The following EFNA5 variants were observed in gnomAD, a reference collection of about 807,000 sequenced individuals.
The protein encoded by EFNA5 is ephrin-A5.
In EFNA5, 5 loss-of-function variants were observed where a neutral mutation model predicts 22.9. That is an observed-to-expected ratio of 0.22 (90% CI 0.11 to 0.46). The LOEUF (loss-of-function observed/expected upper bound fraction) is 0.46, where lower values mean the gene tolerates loss of function less well. Among genes scored for constraint, EFNA5 ranks in the 20% least tolerant of loss-of-function variants. EFNA5 has a pLI of 0.99. For missense variants in EFNA5, 237 were observed against 293.3 expected (o/e 0.81, Z 1.40); for synonymous variants, 113 against 112.2 (o/e 1.01, Z -0.04).
chr5:107,495,831 G>A (rs932141077), intron 1 of EFNA5, among the ~76,000 whole-genome samples: 2 of 152,102 alleles, frequency 1.3e-5, no homozygotes, highest in Admixed American at 6.6e-5. Flanking sequence ...GGTGTTGACC[G>A]GGTTGCTGGG....
chr5:107,507,840 A>T (rs1747282523), intron 1 of EFNA5, among the ~76,000 whole-genome samples: 3 of 152,212 alleles, frequency 2.0e-5, no homozygotes, highest in African/African-American at 4.8e-5. Context: ...GTAAAAATGT[A>T]GCTATTAGAA....
At chr5:107,669,166 A>T (rs948497331) in intron 1 of EFNA5, among the ~76,000 whole-genome samples, 4 of 151,352 alleles carry the variant, frequency 2.6e-5, no homozygotes, top group Non-Finnish European at 4.4e-5. Flanking sequence ...TGCTGAGGGG[A>T]GGCTGGAGGC....
intron 1 of EFNA5, among the ~76,000 whole-genome samples, chr5:107,498,955 AGTATGTATGTAT>A (rs60164431): frequency 1.3e-5 from 2 of 148,458 alleles, no homozygotes; most frequent in East Asian, 2.0e-4. Context: ...TATGTATATA[AGTATGTATGTAT>A]GTATGTATGT....
At chr5:107,532,166 G>C (rs1043248310) in intron 1 of EFNA5, among the ~76,000 whole-genome samples, 2 of 152,204 alleles carry the variant, frequency 1.3e-5, no homozygotes, top group Admixed American at 6.5e-5. Context: ...ATGGGCAGGA[G>C]GAATTATTTC....
intron 2 of EFNA5, among the ~76,000 whole-genome samples, 175 bp from the exon 3 acceptor site, chr5:107,387,946 T>C (rs1234047529): frequency 6.6e-6 from 1 of 152,284 alleles, no homozygotes; most frequent in East Asian, 1.9e-4. Context: ...CTCACTGCTA[T>C]AGAAAGGCTA....
chr5:107,607,121 C>T (rs1308040780), intron 1 of EFNA5, among the ~76,000 whole-genome samples: 2 of 152,114 alleles, frequency 1.3e-5, no homozygotes, highest in African/African-American at 2.4e-5. Flanking sequence ...GTTTAAAATG[C>T]TAAAAATCTG....
chr5:107,598,464 A>T (rs1749519880), intron 1 of EFNA5, among the ~76,000 whole-genome samples: 1 of 149,332 alleles, frequency 6.7e-6, no homozygotes, highest in African/African-American at 2.6e-5. Context: ...TAGAAAAATC[A>T]AGGTTCATAG....
At chr5:107,381,507 T>C (rs1264831141) in intron 4 of EFNA5, 131 bp from the exon 5 acceptor site, 21 of 1,036,066 alleles carry the variant, frequency 2.0e-5, no homozygotes, top group Non-Finnish European at 2.8e-5. Context: ...ACCATTGACT[T>C]TCATGTCTGC....
At chr5:107,553,124 G>A (rs577761221) in intron 1 of EFNA5, among the ~76,000 whole-genome samples, 23 of 152,166 alleles carry the variant, frequency 1.5e-4, no homozygotes, top group Non-Finnish European at 2.6e-4. Context: ...AGAGTGACAG[G>A]GAGAGAAAAA....
chr5:107,476,058 T>TATATATATATATATA lies in EFNA5; in HGVS notation c.126-48550_126-48549insTATATATATATATAT. ...GAGAGTTTTTAAACTATATATATAT[T>TATATATATATATATA]TTTTTTTTTTGAGACAGAGTCTTGC... is the stretch of plus-strand genomic sequence containing the variant. On this transcript the variant is annotated intron_variant, in intron 1 of 4. Coordinates refer to ENST00000333274, the MANE Select transcript of EFNA5 (RefSeq NM_001962.3). Among the ~76,000 whole-genome samples, 8 of 41,114 alleles carry TATATATATATATATA rather than the reference T, an allele frequency of 1.9e-4. 2 individuals carry two copies. Among genetic ancestry groups the TATATATATATATATA allele is most frequent in the African/African-American group, 1.5e-3 (8 of 5,202 alleles). 27.0% of individuals were successfully genotyped at this position (41,114 alleles called of 152,430 possible).
chr5:107,502,087 G>A (rs1747149628), intron 1 of EFNA5, among the ~76,000 whole-genome samples: 1 of 152,172 alleles, frequency 6.6e-6, no homozygotes, highest in South Asian at 2.1e-4. Context: ...GCGGCTGTTA[G>A]CAATGAGGAC....
At chr5:107,618,987 T>A (rs1307095518) in intron 1 of EFNA5, among the ~76,000 whole-genome samples, 1 of 151,870 alleles carries the variant, frequency 6.6e-6, no homozygotes, top group Admixed American at 6.6e-5. Flanking sequence ...AGTGGTGCGA[T>A]CTCAGCTCAC....
chr5:107,502,007 A>AC (rs1264943912), intron 1 of EFNA5, among the ~76,000 whole-genome samples: 5 of 152,164 alleles, frequency 3.3e-5, no homozygotes, highest in Admixed American at 1.3e-4. Context: ...AGTGAGAAAT[A>AC]CCCCATCTGA....
At chr5:107,459,866 C>T (rs1475789651) in intron 1 of EFNA5, among the ~76,000 whole-genome samples, 1 of 152,154 alleles carries the variant, frequency 6.6e-6, no homozygotes, top group African/African-American at 2.4e-5. Flanking sequence ...CTTTAATAGC[C>T]TTAACTTTGT....
chr5:107,533,464 T>C (rs994366049), intron 1 of EFNA5, among the ~76,000 whole-genome samples: 3 of 152,176 alleles, frequency 2.0e-5, no homozygotes, highest in African/African-American at 7.2e-5. Flanking sequence ...ATAATACTTT[T>C]CAAACCTTAG....
intron 1 of EFNA5, among the ~76,000 whole-genome samples, chr5:107,440,907 A>T (rs141629872): frequency 6.6e-6 from 1 of 152,198 alleles, no homozygotes; most frequent in African/African-American, 2.4e-5. Flanking sequence ...ACAGAATAGG[A>T]TAATTTTACT....
intron 1 of EFNA5, among the ~76,000 whole-genome samples, chr5:107,470,985 ATC>A (rs1750124259): frequency 6.6e-6 from 1 of 152,250 alleles, no homozygotes; most frequent in African/African-American, 2.4e-5. Flanking sequence ...TCCTTCTCAG[ATC>A]TCTCAGAACC....
chr5:107,434,220 C>T (rs532958002), intron 1 of EFNA5, among the ~76,000 whole-genome samples: 65 of 152,308 alleles, frequency 4.3e-4, no homozygotes, highest in African/African-American at 1.4e-3. Flanking sequence ...AAGTTCTCAA[C>T]GTACTCTGAC....
At chr5:107,525,341 CTG>C (rs886838215) in intron 1 of EFNA5, among the ~76,000 whole-genome samples, 6 of 151,972 alleles carry the variant, frequency 3.9e-5, no homozygotes, top group African/African-American at 1.5e-4. Context: ...ATATATGTTG[CTG>C]TCTTATCTCT....
Sources: gnomAD v4.1 joint callset for allele counts (sites outside exome capture counted in the v4.1 genomes callset) on GRCh38, gnomAD v4.1.1 for gene constraint, MANE v1.5 for transcripts, NCBI Gene and HGNC (gene_info 2026-07-23, HGNC 2026-07-21) for gene names.